CDC14A: variants seen among roughly 807,000 people sequenced by gnomAD.
The protein encoded by CDC14A is dual specificity protein phosphatase CDC14A.
In CDC14A, 53 loss-of-function variants were observed where a neutral mutation model predicts 74.4. The observed-to-expected ratio is 0.71, with a 90% CI of 0.57 to 0.89. The LOEUF (loss-of-function observed/expected upper bound fraction) is 0.89. Ranked by LOEUF, CDC14A falls within the 40% of genes least tolerant of loss-of-function variation. The probability of loss-of-function intolerance (pLI) is 0.00; values close to 1 mark genes in which losing one functional copy is unlikely to be tolerated. For missense variants in CDC14A, 646 were observed against 713.7 expected (o/e 0.91, Z 1.08); for synonymous variants, 247 against 258.4 (o/e 0.96, Z 0.43).
chr1:100,468,204 G>C, intron 10 of CDC14A, 110 bp downstream of exon 10: 1 of 1,191,234 alleles, frequency 8.4e-7, no homozygotes, highest in Non-Finnish European at 1.2e-6. Flanking sequence ...TGGCTGCATT[G>C]TTAAGAGAAG....
At chr1:100,369,364 C>T (rs1378192500) in intron 2 of CDC14A, among the ~76,000 whole-genome samples, 1 of 152,184 alleles carries the variant, frequency 6.6e-6, no homozygotes, top group South Asian at 2.1e-4. Context: ...ACCTTGGCCT[C>T]CCAAAGTGCT....
intron 3 of CDC14A, among the ~76,000 whole-genome samples, chr1:100,378,938 T>A (rs1474021873): frequency 1.3e-5 from 2 of 152,176 alleles, no homozygotes; most frequent in African/African-American, 4.8e-5. Context: ...AATATCCTTT[T>A]TATAGAAAAT....
intron 5 of CDC14A, among the ~76,000 whole-genome samples, chr1:100,429,161 G>A (rs560404326): frequency 4.7e-5 from 7 of 149,720 alleles, no homozygotes; most frequent in Admixed American, 1.3e-4. Flanking sequence ...CCAAGATCGC[G>A]CCACTGCACT....
At chr1:100,386,265 C>T (rs375102848) in intron 3 of CDC14A, among the ~76,000 whole-genome samples, 9 of 152,142 alleles carry the variant, frequency 5.9e-5, no homozygotes, top group African/African-American at 2.2e-4. Flanking sequence ...TGTAATGGGT[C>T]ATGTGCTGTG....
chr1:100,485,569 TAAAAAAGA>T (rs1163811298), intron 11 of CDC14A, among the ~76,000 whole-genome samples: 2 of 151,142 alleles, frequency 1.3e-5, no homozygotes, highest in East Asian at 3.9e-4. Context: ...TCTAAAAAAG[TAAAAAAGA>T]AAAAAAGAGA....
chr1:100,441,630 G>C (rs1348225027), intron 6 of CDC14A, among the ~76,000 whole-genome samples: 1 of 151,492 alleles, frequency 6.6e-6, no homozygotes, highest in East Asian at 1.9e-4. Context: ...TGTCTGGAAA[G>C]GTGCATATGG....
chr1:100,457,615 A>G (rs1347662778), intron 8 of CDC14A, among the ~76,000 whole-genome samples: 2 of 146,062 alleles, frequency 1.4e-5, no homozygotes, highest in East Asian at 4.0e-4. Flanking sequence ...ACAGCCCACC[A>G]CACCTGGCTG....
intron 9 of CDC14A, among the ~76,000 whole-genome samples, chr1:100,463,871 C>G (rs1042857843): frequency 1.3e-5 from 2 of 152,010 alleles, no homozygotes; most frequent in African/African-American, 4.8e-5. Context: ...GCCTCGAGTT[C>G]CTCATGTGCA....
chr1:100,354,595 C>G (rs1651621267), intron 2 of CDC14A, among the ~76,000 whole-genome samples: 1 of 152,164 alleles, frequency 6.6e-6, no homozygotes, highest in Non-Finnish European at 1.5e-5. Flanking sequence ...CATAGTAAAA[C>G]ATTAATTGAA....
chr1:100,370,029 G>C lies in CDC14A; in HGVS notation c.141-7517G>C, dbSNP rs146257413. ...GACAGGGTCTCATTTTGTCACCCAG[G>C]CTGGAGTGTAGTGGCACCATCAGAA... On this transcript the variant is annotated intron_variant, in intron 2 of 15. Coordinates refer to ENST00000336454, the MANE Select transcript of CDC14A (RefSeq NM_003672.4). 4.6e-3 allele frequency among the ~76,000 whole-genome samples: 696 copies of C among 151,720 alleles called. 5 individuals carry two copies. The highest frequency in any genetic ancestry group is 0.016 in the African/African-American group (666 of 41,334).
intron 7 of CDC14A, among the ~76,000 whole-genome samples, chr1:100,447,551 G>C (rs1414015950): frequency 3.9e-5 from 6 of 152,202 alleles, no homozygotes; most frequent in Non-Finnish European, 8.8e-5. Flanking sequence ...CAAAGAATAT[G>C]TACCTTGAGA....
chr1:100,443,774 A>T (rs1402175591), intron 7 of CDC14A, among the ~76,000 whole-genome samples: 1 of 152,186 alleles, frequency 6.6e-6, no homozygotes, highest in Admixed American at 6.5e-5. Flanking sequence ...CTCAAAATGC[A>T]GGCAAAGGCT....
intron 10 of CDC14A, among the ~76,000 whole-genome samples, chr1:100,473,441 C>A (rs1261296082): frequency 6.6e-6 from 1 of 151,942 alleles, no homozygotes; most frequent in Non-Finnish European, 1.5e-5. Flanking sequence ...AGCTGGAGTC[C>A]AATGGCACGA....
At chr1:100,360,593 C>T (rs984062034) in intron 2 of CDC14A, among the ~76,000 whole-genome samples, 1 of 152,088 alleles carries the variant, frequency 6.6e-6, no homozygotes, top group Non-Finnish European at 1.5e-5. Context: ...GATCTGCCTG[C>T]CTCGGCCTCC....
intron 4 of CDC14A, among the ~76,000 whole-genome samples, chr1:100,391,830 G>C (rs1295533776): frequency 1.3e-5 from 2 of 152,238 alleles, no homozygotes; most frequent in African/African-American, 4.8e-5. Context: ...TGTCAGCCAG[G>C]CTGTGGGCTG....
intron 4 of CDC14A, among the ~76,000 whole-genome samples, chr1:100,420,063 C>CACACACATAT: frequency 1.8e-3 from 109 of 61,594 alleles, no homozygotes; most frequent in East Asian, 3.3e-3. Flanking sequence ...CACACACACA[C>CACACACATAT]ATATATATAT....
intron 4 of CDC14A, among the ~76,000 whole-genome samples, chr1:100,416,026 A>G (rs1332919887): frequency 6.6e-6 from 1 of 152,222 alleles, no homozygotes; most frequent in Non-Finnish European, 1.5e-5. Flanking sequence ...GTCTTTAGGA[A>G]AAAACAGTTT....
At position 100,505,750 on chromosome 1, in the gene CDC14A, C is replaced by T. The variant is rs115116753; in HGVS notation, c.1755+6488C>T. On this transcript the variant is annotated intron_variant, in intron 15 of 15. Transcript: ENST00000336454. ...TGATTTTAAATAGGACATTTTTATTCGTCTGCTTTTGTCGCTATTAAGAAA... is the reference window on the plus strand; with the variant it reads ...TGATTTTAAATAGGACATTTTTATTTGTCTGCTTTTGTCGCTATTAAGAAA... Among the ~76,000 whole-genome samples, 1,501 of 152,200 alleles carry T rather than the reference C, an allele frequency of 9.9e-3. 25 individuals carry two copies. Among genetic ancestry groups the T allele is most frequent in the African/African-American group, 0.035 (1,434 of 41,506 alleles).
At chr1:100,502,963 A>C (rs541949887) in intron 15 of CDC14A, among the ~76,000 whole-genome samples, 1 of 152,328 alleles carries the variant, frequency 6.6e-6, no homozygotes, top group African/African-American at 2.4e-5. Context: ...GCATTTATAA[A>C]TAGAATTATC....
Sources: allele counts gnomAD v4.1 joint callset (sites outside exome capture counted in the v4.1 genomes callset), GRCh38; gene constraint gnomAD v4.1.1; transcripts MANE v1.5; gene names NCBI Gene and HGNC (gene_info 2026-07-23, HGNC 2026-07-21).